The following FOXP1 variants were observed in gnomAD, a reference collection of about 807,000 sequenced individuals.
FOXP1 encodes forkhead box protein P1.
FOXP1 carries 15 observed loss-of-function variants against 98.2 expected under a neutral mutation model. The observed-to-expected ratio is 0.15, with a 90% CI of 0.10 to 0.24. The LOEUF is 0.24. FOXP1 is among the 10% of genes least tolerant of loss of function. The pLI is 1.00. For synonymous variants in FOXP1, 371 were observed against 314.5 expected (o/e 1.18, Z -1.90); for missense variants, 633 against 848.5 (o/e 0.75, Z 3.15).
In FOXP1 at chr3:71,215,664, G is replaced by GAA. The variant is rs11455932; in HGVS notation, c.-11-17274_-11-17273dup. 3.3e-5 allele frequency among the ~76,000 whole-genome samples: 5 copies of GAA among 151,824 alleles called. No individual in the cohort carries two copies. In the East Asian group the frequency reaches 9.7e-4, roughly 29 times the overall value. ...CACTGAATTCTCAGTTCAACTTAAA[G>GAA]AAAAAAATGTGTTTTGCTGCTGTCT... On this transcript the variant is annotated intron_variant, in intron 5 of 20. Coordinates refer to ENST00000649528, the MANE Select transcript of FOXP1 (RefSeq NM_001349338.3).
chr3:71,583,849 G>T, upstream of FOXP1: 1 of 985,896 alleles, frequency 1.0e-6, no homozygotes, highest in South Asian at 4.5e-5. Context: ...GCACCGGCCC[G>T]GGGGCGCACC....
At chr3:71,470,609 C>A (rs769302379) in intron 3 of FOXP1, among the ~76,000 whole-genome samples, 1 of 152,026 alleles carries the variant, frequency 6.6e-6, no homozygotes, top group Non-Finnish European at 1.5e-5. Flanking sequence ...ACGTGGTGTG[C>A]GCTCCTGTAG....
chr3:71,503,601 G>GA (rs368279502), intron 2 of FOXP1, among the ~76,000 whole-genome samples: 20,920 of 75,564 alleles, frequency 0.28, 3,706 homozygotes, highest in African/African-American at 0.36. Context: ...ACTCTGTCTC[G>GA]AAAAAAAAAA....
intron 6 of FOXP1, among the ~76,000 whole-genome samples, chr3:71,126,926 T>G (rs9851540): frequency 0.05 from 7,575 of 150,578 alleles, 514 homozygotes; most frequent in African/African-American, 0.15. Context: ...GAAAAGAATA[T>G]TTCTTAAGCA....
intron 7 of FOXP1, among the ~76,000 whole-genome samples, chr3:71,093,974 T>C (rs1291234801): frequency 6.6e-6 from 1 of 152,198 alleles, no homozygotes; most frequent in Non-Finnish European, 1.5e-5. Flanking sequence ...AAAGCTGTTT[T>C]CTTGTTTTTC....
At chr3:71,460,981 G>C (rs917930457) in intron 3 of FOXP1, among the ~76,000 whole-genome samples, 1 of 152,052 alleles carries the variant, frequency 6.6e-6, no homozygotes, top group African/African-American at 2.4e-5. Context: ...AAAAACAACC[G>C]GTACAGTTTT....
chr3:71,027,220 T>C (rs1402713205), intron 11 of FOXP1, among the ~76,000 whole-genome samples: 26 of 152,168 alleles, frequency 1.7e-4, no homozygotes, highest in Admixed American at 1.7e-3. Context: ...ACCTTGTCCA[T>C]ATGTTAGAGG....
chr3:71,254,667 C>T (rs1270631112), intron 5 of FOXP1, among the ~76,000 whole-genome samples: 2 of 152,170 alleles, frequency 1.3e-5, no homozygotes, highest in African/African-American at 4.8e-5. Context: ...TCCAGTTACA[C>T]ACTGAAGAGG....
intron 5 of FOXP1, among the ~76,000 whole-genome samples, chr3:71,263,620 C>T (rs1467969816): frequency 3.9e-5 from 6 of 152,196 alleles, no homozygotes; most frequent in Admixed American, 2.0e-4. Flanking sequence ...GCTCCACCTA[C>T]TCAAGTTCCA....
chr3:71,240,634 C>CCTGAGGCAGGAGAAT (rs1560170526), intron 5 of FOXP1, among the ~76,000 whole-genome samples: 2 of 152,096 alleles, frequency 1.3e-5, no homozygotes, highest in East Asian at 3.9e-4. Context: ...CCTCCGCCTC[C>CCTGAGGCAGGAGAAT]GGGGTTCACG....
intron 5 of FOXP1, among the ~76,000 whole-genome samples, chr3:71,217,374 A>G (rs2065022919): frequency 6.6e-6 from 1 of 152,076 alleles, no homozygotes; most frequent in Non-Finnish European, 1.5e-5. Flanking sequence ...TGCCCAGCCT[A>G]GGATTTTGTT....
intron 5 of FOXP1, among the ~76,000 whole-genome samples, chr3:71,208,671 T>C (rs1214772602): frequency 6.6e-6 from 1 of 152,114 alleles, no homozygotes; most frequent in Non-Finnish European, 1.5e-5. Context: ...GGGCCCAGCA[T>C]TTGTGTTTAT....
At chr3:71,285,468 G>A (rs1304250336) in intron 5 of FOXP1, among the ~76,000 whole-genome samples, 4 of 152,094 alleles carry the variant, frequency 2.6e-5, no homozygotes, top group Non-Finnish European at 4.4e-5. Context: ...GAGAGGGAAC[G>A]AGGAAGAAAA....
intron 5 of FOXP1, among the ~76,000 whole-genome samples, chr3:71,236,372 T>C (rs1169114379): frequency 6.6e-6 from 1 of 152,230 alleles, no homozygotes; most frequent in African/African-American, 2.4e-5. Flanking sequence ...CCAAGTTCTC[T>C]GTAACATGCT....
intron 7 of FOXP1, among the ~76,000 whole-genome samples, chr3:71,086,673 A>C (rs1019916565): frequency 1.3e-5 from 2 of 152,210 alleles, no homozygotes; most frequent in Non-Finnish European, 2.9e-5. Flanking sequence ...GATATTTTCC[A>C]GGAATGCCTC....
At chr3:71,137,424 C>A (rs1342421758) in intron 6 of FOXP1, among the ~76,000 whole-genome samples, 1 of 152,138 alleles carries the variant, frequency 6.6e-6, no homozygotes, top group Admixed American at 6.6e-5. Context: ...TTCTCTGCTG[C>A]GGGAAGCTTA....
At chr3:71,451,167 A>G (rs959633714) in intron 3 of FOXP1, among the ~76,000 whole-genome samples, 15 of 152,156 alleles carry the variant, frequency 9.9e-5, no homozygotes, top group Non-Finnish European at 2.2e-4. Context: ...GCTGCCTACT[A>G]CTGTGGTTGG....
intron 4 of FOXP1, among the ~76,000 whole-genome samples, chr3:71,354,149 A>AC (rs1283419263): frequency 2.0e-5 from 2 of 102,554 alleles, no homozygotes; most frequent in South Asian, 8.0e-4. Flanking sequence ...TATTAAAAAT[A>AC]CAAAAAAAAA....
chr3:70,978,989 G>A (rs1170744139), intron 14 of FOXP1, among the ~76,000 whole-genome samples: 2 of 151,940 alleles, frequency 1.3e-5, no homozygotes, highest in Non-Finnish European at 2.9e-5. Flanking sequence ...AAAATAGGCC[G>A]GGCATGGTGG....
Sources: allele counts gnomAD v4.1 joint callset (sites outside exome capture counted in the v4.1 genomes callset), GRCh38; gene constraint gnomAD v4.1.1; transcripts MANE v1.5; gene names NCBI Gene and HGNC (gene_info 2026-07-23, HGNC 2026-07-21).